The following VWDE variants were observed in gnomAD, a reference collection of about 807,000 sequenced individuals.
VWDE encodes the protein von Willebrand factor D and EGF domain-containing protein.
A neutral mutation model predicts 178.4 loss-of-function variants in VWDE; 207 were observed. That is an observed-to-expected ratio of 1.16 (90% CI 1.04 to 1.30). The LOEUF (loss-of-function observed/expected upper bound fraction) is 1.30, where lower values mean the gene tolerates loss of function less well. Among genes scored for constraint, VWDE ranks in the 50% most tolerant of loss-of-function variants. VWDE has a pLI of 0.00. For synonymous variants in VWDE, 738 were observed against 651.4 expected, an observed-to-expected ratio of 1.13 and a Z score of -2.02; for missense variants, 2,287 against 1,901.3, an observed-to-expected ratio of 1.20 and a Z score of -3.77.
intron 1 of VWDE, among the ~76,000 whole-genome samples, chr7:12,395,863 A>G (rs1384068790): frequency 6.6e-6 from 1 of 152,112 alleles, no homozygotes; most frequent in Non-Finnish European, 1.5e-5. Flanking sequence ...TGAGGATCTG[A>G]GGACTACGTT....
rs139604997 is a variant in VWDE, at chr7:12,332,995, G to A, written c.4758+470C>T. Among the ~76,000 whole-genome samples, 46 of 152,248 alleles carry A rather than the reference G, an allele frequency of 3.0e-4. 1 individual carries two copies. In the East Asian group the frequency reaches 8.9e-3, roughly 29 times the overall value. ...TGTATGTTTGTATGAGAGAGAGAGA[G>A]ATTATTAGAACTACCCTTGTGTGTA... On this transcript the variant is annotated intron_variant, in intron 28 of 28. Coordinates refer to ENST00000275358, the MANE Select transcript of VWDE (RefSeq NM_001135924.3).
chr7:12,374,984 C>T, intron 8 of VWDE, 26 bp downstream of exon 8: 1 of 1,525,002 alleles, frequency 6.6e-7, no homozygotes, highest in Non-Finnish European at 8.9e-7. Context: ...GCTTCACTTG[C>T]AGTATTAGTG....
At chr7:12,366,463 C>T (rs1385748045) in intron 13 of VWDE, among the ~76,000 whole-genome samples, 1 of 152,082 alleles carries the variant, frequency 6.6e-6, no homozygotes, top group African/African-American at 2.4e-5. Context: ...ATTACAATGT[C>T]TATTCTCTTA....
At position 12,370,088 on chromosome 7, in the gene VWDE, G is replaced by A; in HGVS notation, c.2218C>T (p.Gln740Ter). ...KYTQGRGSHS[Q>*]EMRYNRQNRW... ...TTTTGTCGATTGTACCTCATTTCTT[G>A]GCTGTGGCTTCCCCGGCCTTGTGTA... Residue 740 changes from glutamine to a stop codon, truncating the protein, a stop_gained, in exon 12 of 29, where the codon CAA becomes TAA. Transcript: ENST00000275358. LOFTEE classifies it high-confidence loss of function. 6.4e-7 allele frequency: 1 copy of A among 1,551,534 alleles called. No homozygotes were observed. Among genetic ancestry groups the A allele is most frequent in the Non-Finnish European group, 8.7e-7 (1 of 1,146,908 alleles).
chr7:12,381,735 ATATT>A (rs1240609810), intron 4 of VWDE, among the ~76,000 whole-genome samples: 8 of 151,936 alleles, frequency 5.3e-5, no homozygotes, highest in African/African-American at 1.9e-4. Context: ...TTTTGAATAT[ATATT>A]TGATTTTAAA....
intron 24 of VWDE, among the ~76,000 whole-genome samples, chr7:12,338,484 T>G (rs1422914202): frequency 6.6e-6 from 1 of 152,096 alleles, no homozygotes; most frequent in Non-Finnish European, 1.5e-5. Flanking sequence ...CTCCACAAAT[T>G]GTTTATGATG....
At chr7:12,385,991 T>C (rs1309843060) in intron 3 of VWDE, among the ~76,000 whole-genome samples, 1 of 152,160 alleles carries the variant, frequency 6.6e-6, no homozygotes, top group Non-Finnish European at 1.5e-5. Flanking sequence ...AAATATTATG[T>C]TTTTAAATTC....
At chr7:12,361,075 T>G in intron 15 of VWDE, 72 bp downstream of exon 15, 1 of 924,632 alleles carries the variant, frequency 1.1e-6, no homozygotes, top group South Asian at 1.9e-5. Flanking sequence ...AAACTACAAT[T>G]AATGTGCCCA....
intron 27 of VWDE, 64 bp downstream of exon 27, chr7:12,336,077 C>T: frequency 7.2e-7 from 1 of 1,391,974 alleles, no homozygotes; most frequent in Non-Finnish European, 9.9e-7. Flanking sequence ...TAAAGCTATA[C>T]TTTAATTATT....
intron 28 of VWDE, among the ~76,000 whole-genome samples, chr7:12,332,951 G>C (rs945331303): frequency 9.4e-5 from 12 of 128,162 alleles, no homozygotes; most frequent in Admixed American, 6.3e-4. Context: ...ACATTTTTGA[G>C]AGGTTTGCTG....
intron 1 of VWDE, among the ~76,000 whole-genome samples, chr7:12,395,176 G>GA (rs1288031731): frequency 6.6e-6 from 1 of 152,004 alleles, no homozygotes; most frequent in Non-Finnish European, 1.5e-5. Context: ...AAAAGGCTCC[G>GA]ATGTCAACAC....
chr7:12,350,976 T>C (rs572815122), intron 19 of VWDE, among the ~76,000 whole-genome samples: 1 of 152,226 alleles, frequency 6.6e-6, no homozygotes, highest in South Asian at 2.1e-4. Flanking sequence ...TAAACCGTAG[T>C]GTACATCAGA....
chr7:12,380,359 A>C (rs13226425), intron 5 of VWDE, 127 bp downstream of exon 5: 1 of 1,311,546 alleles, frequency 7.6e-7, no homozygotes, highest in Non-Finnish European at 1.0e-6. Flanking sequence ...GGAAAAAAAA[A>C]CAAAAAGAAA....
chr7:12,369,354 C>T (rs955647623), intron 12 of VWDE, among the ~76,000 whole-genome samples, 191 bp downstream of exon 12: 8 of 152,072 alleles, frequency 5.3e-5, no homozygotes, highest in Non-Finnish European at 1.0e-4. Context: ...TTATAAGTTA[C>T]TTTGGCTTTT....
In VWDE at chr7:12,370,034, A is replaced by G. The variant is rs1783088602; in HGVS notation, c.2272T>C (p.Phe758Leu). The change falls in exon 12 of 29, where the codon TTT (phenylalanine) becomes CTT (leucine). Residue 758 changes from phenylalanine to leucine, a missense_variant. Coordinates refer to ENST00000275358, the MANE Select transcript of VWDE (RefSeq NM_001135924.3). ...NRWKRQNFHE[F>L]PPLFAFPSLS... ...CTCGGGAAAGCAAACAAAGGAGGAA[A>G]CTCATGAAAGTTCTGCCGTTTCCAT... The G allele has an allele frequency of 6.4e-7, 1 of 1,551,442 alleles. No homozygotes were observed. Among genetic ancestry groups the G allele is most frequent in the South Asian group, 1.2e-5 (1 of 84,050 alleles).
At chr7:12,379,664 T>C in intron 5 of VWDE, 98 bp from the exon 6 acceptor site, 1 of 774,178 alleles carries the variant, frequency 1.3e-6, no homozygotes, top group Non-Finnish European at 2.0e-6. Context: ...TCTTCATAGA[T>C]AGTATATAAA....
rs1326581393 is a variant in VWDE at position 12,359,681 on chromosome 7, G to A, written c.3171C>T (p.Cys1057=). The part of the protein sequence containing the change: ...NDSCTIKENV[C]IIDGLCYVEG... ...CAACATAGCAGAGTCCATCAATAATGCAAACATTTTCCTAATGGAAAATTT... is the reference window on the plus strand; with the variant it reads ...CAACATAGCAGAGTCCATCAATAATACAAACATTTTCCTAATGGAAAATTT... Residue 1057 remains cysteine (C), a synonymous_variant, in exon 16 of 29, where the codon TGC becomes TGT. Transcript: ENST00000275358. The A allele has an allele frequency of 1.3e-6, 2 of 1,540,024 alleles. No homozygotes were observed. The highest frequency in any genetic ancestry group is 1.8e-6 in the Non-Finnish European group (2 of 1,141,668).
At chr7:12,380,420 GTTT>G in intron 5 of VWDE, 63 bp downstream of exon 5, 11 of 1,508,228 alleles carry the variant, frequency 7.3e-6, no homozygotes, top group Non-Finnish European at 8.9e-6. Flanking sequence ...TGGATATGAT[GTTT>G]AAAAATCGTG....
At position 12,331,185 on chromosome 7, in the gene VWDE, A is replaced by C; in HGVS notation, c.4771T>G (p.Ter1591GlyextTer6). The change falls in exon 29 of 29, where the codon TGA (stop) becomes GGA (glycine). Residue 1591 changes from the stop codon to glycine, a stop_lost. Coordinates refer to ENST00000275358, the MANE Select transcript of VWDE (RefSeq NM_001135924.3). Reference protein sequence around the residue: ...CEKKIQIRRH* With the variant: ...CEKKIQIRRHG Reference sequence around the variant, plus strand: ...GTAATTCATATACTTGATGCTACTCAATGGCGTCTTATCTGTAGTAGGAAG... The same window carrying C: ...GTAATTCATATACTTGATGCTACTCCATGGCGTCTTATCTGTAGTAGGAAG... 6.5e-7 allele frequency: 1 copy of C among 1,541,962 alleles called. No homozygotes were observed. Among genetic ancestry groups the C allele is most frequent in the Admixed American group, 2.0e-5 (1 of 50,616 alleles).
Sources: gnomAD v4.1 joint callset for allele counts (sites outside exome capture counted in the v4.1 genomes callset) on GRCh38, gnomAD v4.1.1 for gene constraint, MANE v1.5 for transcripts, NCBI Gene and HGNC (gene_info 2026-07-23, HGNC 2026-07-21) for gene names.